SNAP29: variants seen among roughly 807,000 people sequenced by gnomAD.
SNAP29 encodes the protein synaptosomal-associated protein 29.
Under a neutral mutation model 27.9 loss-of-function variants are expected in SNAP29, and 13 were observed. That is an observed-to-expected ratio of 0.47 (90% CI 0.30 to 0.74). The LOEUF (loss-of-function observed/expected upper bound fraction) is 0.74, where lower values mean the gene tolerates loss of function less well. SNAP29 is among the 30% of genes least tolerant of loss of function. SNAP29 has a pLI of 0.06. For missense variants in SNAP29, 368 were observed against 336.5 expected (o/e 1.09, Z -0.73); for synonymous variants, 119 against 127.1 (o/e 0.94, Z 0.43).
At chr22:20,880,693 T>TTCTGC (rs903193964) in intron 2 of SNAP29, among the ~76,000 whole-genome samples, 10 of 151,420 alleles carry the variant, frequency 6.6e-5, no homozygotes, top group African/African-American at 2.2e-4. Context: ...GCTACACTGC[T>TTCTGC]TTTTTTTTCT....
chr22:20,879,402 T>C (rs1206950869), intron 2 of SNAP29, among the ~76,000 whole-genome samples: 1 of 150,130 alleles, frequency 6.7e-6, no homozygotes, highest in Admixed American at 6.7e-5. Context: ...GGGGGATCAC[T>C]TGAGTAGGCA....
intron 1 of SNAP29, among the ~76,000 whole-genome samples, chr22:20,869,880 C>T (rs1296515647): frequency 6.6e-6 from 1 of 152,074 alleles, no homozygotes; most frequent in Non-Finnish European, 1.5e-5. Flanking sequence ...AAGCAATTCT[C>T]CTGCCTCAGC....
In SNAP29 at chr22:20,887,852, C is replaced by T. The variant is rs1371459086; in HGVS notation, c.*16C>T. ...ACAACTCTGAAGACAGACGGATTTC[C>T]ACTCTATTGTGATGAAAAGATTTGA... On this transcript the variant is annotated 3_prime_UTR_variant, in exon 5 of 5. Coordinates refer to ENST00000215730, the MANE Select transcript of SNAP29 (RefSeq NM_004782.4). The T allele has an allele frequency of 6.2e-7, 1 of 1,611,790 alleles. No individual in the cohort carries two copies. The highest frequency in any genetic ancestry group is 2.2e-5 in the East Asian group (1 of 44,870).
chr22:20,859,713 G>C lies in SNAP29; in HGVS notation c.237+366G>C, dbSNP rs376010567. ...GTCCGTTTCTTCGACATTATTTCCT[G>C]TGCAAAATCTGGCACAGGGTTTTGG... On this transcript the variant is annotated intron_variant, in intron 1 of 4. Coordinates refer to ENST00000215730, the MANE Select transcript of SNAP29 (RefSeq NM_004782.4). 8 of 306,942 alleles carry C rather than the reference G, an allele frequency of 2.6e-5. No homozygotes were observed. In the East Asian group the frequency reaches 4.2e-4, roughly 16 times the overall value. 19.0% of individuals were successfully genotyped at this position (306,942 alleles called of 1,614,324 possible).
At chr22:20,863,928 A>G (rs1288478924) in intron 1 of SNAP29, among the ~76,000 whole-genome samples, 1 of 152,106 alleles carries the variant, frequency 6.6e-6, no homozygotes, top group Non-Finnish European at 1.5e-5. Context: ...GTTCCACACT[A>G]GTATGTAATG....
At chr22:20,885,254 C>A (rs1424583496) in intron 4 of SNAP29, among the ~76,000 whole-genome samples, 1 of 152,116 alleles carries the variant, frequency 6.6e-6, no homozygotes, top group Non-Finnish European at 1.5e-5. Context: ...GTCTCCCACC[C>A]CCTGTTAGGA....
chr22:20,864,097 C>T (rs1569114969), intron 1 of SNAP29, among the ~76,000 whole-genome samples: 1 of 152,100 alleles, frequency 6.6e-6, no homozygotes, highest in Non-Finnish European at 1.5e-5. Context: ...TTTCATCACT[C>T]CAGTGGAGGA....
chr22:20,863,638 C>G (rs1333232411), intron 1 of SNAP29, among the ~76,000 whole-genome samples: 1 of 152,170 alleles, frequency 6.6e-6, no homozygotes, highest in African/African-American at 2.4e-5. Flanking sequence ...CCACTCGTCT[C>G]TTTCCCTGTT....
In SNAP29 at chr22:20,890,397, C is replaced by CA. The variant is rs886057275; in HGVS notation, c.*2564dup. 3 of 398,564 alleles carry CA rather than the reference C, an allele frequency of 7.5e-6. No homozygotes were observed. Among genetic ancestry groups the CA allele is most frequent in the Non-Finnish European group, 1.3e-5 (3 of 226,044 alleles). The allele number at this position is 398,564 out of a possible 1,614,324, so 24.7% of individuals were successfully genotyped here. A position where few individuals can be genotyped will look rare whatever the true frequency, so the allele number is the denominator to read the frequency against. ...TTGATTTCCACAGTTGAGCTGGAAA[C>CA]AAACTGTGCCTTCAAAAAATGACTT... On this transcript the variant is annotated 3_prime_UTR_variant, in exon 5 of 5. Coordinates refer to ENST00000215730, the MANE Select transcript of SNAP29 (RefSeq NM_004782.4).
At chr22:20,865,270 T>C (rs1490708776) in intron 1 of SNAP29, among the ~76,000 whole-genome samples, 1 of 152,034 alleles carries the variant, frequency 6.6e-6, no homozygotes, top group Non-Finnish European at 1.5e-5. Context: ...TAGGAGGATC[T>C]CTTGAACCAG....
rs1274279060 is a variant in SNAP29, at chr22:20,874,322, ACACACACACACACACACGAAAATTAGC to A, written c.434+3807_434+3833del. ...GACACACACAGACACACACAGACAC[ACACACACACACACACACGAAAATTAGC>A]CACACACACACACACACACACACAC... On this transcript the variant is annotated intron_variant, in intron 2 of 4. Coordinates refer to ENST00000215730, the MANE Select transcript of SNAP29 (RefSeq NM_004782.4). Among the ~76,000 whole-genome samples the A allele has an allele frequency of 4.1e-5, 6 of 145,542 alleles. No individual in the cohort carries two copies. The South Asian group carries it at 6.7e-4, about 16-fold the overall frequency.
At chr22:20,886,347 G>A (rs933359400) in intron 4 of SNAP29, among the ~76,000 whole-genome samples, 6 of 151,696 alleles carry the variant, frequency 4.0e-5, no homozygotes, top group Non-Finnish European at 7.4e-5. Flanking sequence ...TTACTCTGTC[G>A]CCCAGGCTAG....
chr22:20,876,636 C>T (rs1401424465), intron 2 of SNAP29, among the ~76,000 whole-genome samples: 7 of 148,614 alleles, frequency 4.7e-5, no homozygotes, highest in South Asian at 2.1e-4. Flanking sequence ...GGCGTGATCT[C>T]GGCTCACTGC....
chr22:20,885,496 C>T (rs1377453011), intron 4 of SNAP29, among the ~76,000 whole-genome samples: 1 of 152,172 alleles, frequency 6.6e-6, no homozygotes, highest in Admixed American at 6.5e-5. Flanking sequence ...CAGATCTAAC[C>T]ACTCCAGAGA....
chr22:20,875,876 G>GT (rs1473829574), intron 2 of SNAP29, among the ~76,000 whole-genome samples: 1 of 152,074 alleles, frequency 6.6e-6, no homozygotes, highest in Non-Finnish European at 1.5e-5. Flanking sequence ...AAAATGGGGG[G>GT]GCGGCTGGGT....
chr22:20,884,852 T>C (rs1219215355), intron 4 of SNAP29, among the ~76,000 whole-genome samples: 2 of 152,218 alleles, frequency 1.3e-5, no homozygotes, highest in Non-Finnish European at 2.9e-5. Flanking sequence ...CTCAGCTCAC[T>C]GCAACCGCTG....
At chr22:20,869,980 A>G (rs535637829) in intron 1 of SNAP29, among the ~76,000 whole-genome samples, 30 of 152,198 alleles carry the variant, frequency 2.0e-4, no homozygotes, top group Admixed American at 7.2e-4. Flanking sequence ...CATGTTGGCC[A>G]GGCTGGTCTT....
chr22:20,870,661 A>G lies in SNAP29; in HGVS notation c.434+128A>G, dbSNP rs1051313994. 72 of 845,696 alleles carry G rather than the reference A, an allele frequency of 8.5e-5. No homozygotes were observed. The African/African-American group carries it at 1.1e-3, about 12-fold the overall frequency. The allele number at this position is 845,696 out of a possible 1,614,324, so 52.4% of individuals were successfully genotyped here. On this transcript the variant is annotated intron_variant, in intron 2 of 4. Transcript: ENST00000215730. ...AACCCTTTAAGTTACTCATCAGGGGATATTTGTCCTCAAACATTGTGAAAC... is the reference window on the plus strand; with the variant it reads ...AACCCTTTAAGTTACTCATCAGGGGGTATTTGTCCTCAAACATTGTGAAAC...
At chr22:20,886,905 A>T (rs165784) in intron 4 of SNAP29, among the ~76,000 whole-genome samples, 1 of 151,548 alleles carries the variant, frequency 6.6e-6, no homozygotes, top group African/African-American at 2.4e-5. Context: ...GAGCCATTGT[A>T]CCCGGCCAAA....
Sources: gnomAD v4.1 joint callset for allele counts (sites outside exome capture counted in the v4.1 genomes callset) on GRCh38, gnomAD v4.1.1 for gene constraint, MANE v1.5 for transcripts, NCBI Gene and HGNC (gene_info 2026-07-23, HGNC 2026-07-21) for gene names.